Variants in INO80E observed in about 807,000 individuals in gnomAD.
INO80E encodes coiled-coil domain containing 95.
INO80E carries 20 observed loss-of-function variants against 27.3 expected under a neutral mutation model. That is an observed-to-expected ratio of 0.73 (90% CI 0.51 to 1.06). INO80E has a LOEUF of 1.06. Ranked by LOEUF, INO80E falls within the 50% of genes least tolerant of loss-of-function variation. The pLI is 0.00. For missense variants in INO80E, 357 were observed against 322.8 expected, an observed-to-expected ratio of 1.11 and a Z score of -0.81; for synonymous variants, 167 against 145.9, an observed-to-expected ratio of 1.14 and a Z score of -1.04.
At chr16:30,002,579 G>A (rs1029016064) in intron 6 of INO80E, 1 of 152,518 alleles carries the variant, frequency 6.6e-6, no homozygotes, top group African/African-American at 2.4e-5. Context: ...AGTTCCTGGA[G>A]GACCTGGTGT....
At chr16:29,998,872 C>T (rs112727636) in intron 3 of INO80E, among the ~76,000 whole-genome samples, 2 of 152,098 alleles carry the variant, frequency 1.3e-5, no homozygotes, top group Middle Eastern at 3.2e-3. Context: ...GGTGAAACCC[C>T]GTCTCTACTA....
rs544326818 is a variant in INO80E at position 30,003,519 on chromosome 16, A to G, written c.514-1702A>G. On this transcript the variant is annotated intron_variant, in intron 6 of 6. Transcript: ENST00000563197. This position sits in a 1 kb window ranked among gnomAD's most constrained non-coding sequence, Gnocchi z 4.4. ...GCAGAGGAAGGATAGCTGTGAAGAC[A>G]GAAGCAGGTTGGTTCTGTCAGGCCT... The G allele has an allele frequency of 5.9e-5, 9 of 152,336 alleles. No individual in the cohort carries two copies. The highest frequency in any genetic ancestry group is 2.2e-4 in the African/African-American group (9 of 41,538). The allele number at this position is 152,336 out of a possible 1,614,324, so 9.4% of individuals were successfully genotyped here. A position where few individuals can be genotyped will look rare whatever the true frequency, so the allele number is the denominator to read the frequency against.
chr16:30,005,503 A>G lies in INO80E; in HGVS notation c.*61A>G, dbSNP rs1386815593. 1.2e-5 allele frequency: 17 copies of G among 1,455,256 alleles called. No homozygotes were observed. Among genetic ancestry groups the G allele is most frequent in the Non-Finnish European group, 1.6e-5 (17 of 1,063,318 alleles). The allele number at this position is 1,455,256 out of a possible 1,614,324, so 90.1% of individuals were successfully genotyped here. ...CGGCGCCCTCCCCGTGCCAGCACAC[A>G]CGAGTCCAGCTTCCTCGGAGGTGTT... On this transcript the variant is annotated 3_prime_UTR_variant, in exon 7 of 7. Coordinates refer to ENST00000563197, the MANE Select transcript of INO80E (RefSeq NM_173618.3).
At position 30,005,461 on chromosome 16, in the gene INO80E, CCCA is replaced by C; in HGVS notation, c.*24_*26del. On this transcript the variant is annotated 3_prime_UTR_variant, in exon 7 of 7. Coordinates refer to ENST00000563197, the MANE Select transcript of INO80E (RefSeq NM_173618.3). The stretch of plus-strand genomic sequence containing the variant: ...GGAGTGACCGTGACATCACGCCATG[CCCA>C]CCACGGCCCCGCCCGGCGCCCTCCC... 3 of 1,575,144 alleles carry C rather than the reference CCCA, an allele frequency of 1.9e-6. No homozygotes were observed. In the South Asian group the frequency reaches 3.5e-5, roughly 18 times the overall value.
In INO80E at chr16:29,996,274, G is replaced by C; in HGVS notation, c.-37G>C. ...CACGGCAGCCACTGCTTGGGGTAGC[G>C]GGAGGGCAGACTCTGGGCGCCACTC... On this transcript the variant is annotated 5_prime_UTR_variant, in exon 1 of 7. Transcript: ENST00000563197. 7.7e-6 allele frequency: 12 copies of C among 1,555,158 alleles called. No individual in the cohort carries two copies. Among genetic ancestry groups the C allele is most frequent in the Non-Finnish European group, 1.0e-5 (12 of 1,148,040 alleles).
At position 30,005,656 on chromosome 16, in the gene INO80E, A is replaced by G. The variant is rs12851; in HGVS notation, c.*214A>G. On this transcript the variant is annotated 3_prime_UTR_variant, in exon 7 of 7. Transcript: ENST00000563197. ...CCCCGGCCCCCTCCAGGGGACAGTT[A>G]TTTAAACGAGTGGCCGGGAGCATCT... 41,144 of 574,842 alleles carry G rather than the reference A, an allele frequency of 0.072. 1,890 individuals carry two copies. The highest frequency in any genetic ancestry group is 0.15 in the African/African-American group (8,011 of 51,750). The allele number at this position is 574,842 out of a possible 1,614,324, so 35.6% of individuals were successfully genotyped here. A position where few individuals can be genotyped will look rare whatever the true frequency, so the allele number is the denominator to read the frequency against.
At position 29,996,838 on chromosome 16, in the gene INO80E, G is replaced by C; in HGVS notation, c.183G>C (p.Glu61Asp). The change falls in exon 3 of 7, where the codon GAG (glutamate) becomes GAC (aspartate). Residue 61 changes from glutamate (E) to aspartate (D), a missense_variant. Physicochemically the swap from Glu to Asp is conservative, Grantham distance 45. Transcript: ENST00000563197. The stretch of plus-strand genomic sequence containing the variant: ...TCCTAGACCGACTTCTGCAGTACGA[G>C]AACGTGGATGAAGACTCTTCGGGTG... ...SFLLDRLLQY[E>D]NVDEDSSDSD... The C allele has an allele frequency of 6.2e-7, 1 of 1,614,174 alleles. No individual in the cohort carries two copies. Among genetic ancestry groups the C allele is most frequent in the Non-Finnish European group, 8.5e-7 (1 of 1,180,012 alleles).
In INO80E at chr16:30,000,317, G is replaced by A. The variant is rs144263227; in HGVS notation, c.206-441G>A. On this transcript the variant is annotated intron_variant, in intron 3 of 6. Coordinates refer to ENST00000563197, the MANE Select transcript of INO80E (RefSeq NM_173618.3). ...GACAGCTCGAGTGTGTGGTGCATGC[G>A]TGTGCCCACCAGCTGGTGAGTCAGA... is the stretch of plus-strand genomic sequence containing the variant. Among the ~76,000 whole-genome samples the A allele has an allele frequency of 5.7e-3, 874 of 152,220 alleles. 4 individuals are homozygous for A. The highest frequency in any genetic ancestry group is 0.014 in the Middle Eastern group (4 of 294).
intron 1 of INO80E, 24 bp from the exon 2 acceptor site, chr16:29,996,523 G>A (rs1229906920): frequency 1.3e-6 from 2 of 1,556,684 alleles, no homozygotes; most frequent in East Asian, 4.8e-5. Flanking sequence ...CGTTGGCCCA[G>A]CGCACCCCTT....
rs1052889691 is a variant in INO80E, at chr16:29,999,377, G to A, written c.206-1381G>A. ...TTGCATCTGAGGAGGAAGAGCCAGC[G>A]ATGCGAGCCCCACTCCCGTCCTGGA... On this transcript the variant is annotated intron_variant, in intron 3 of 6. Coordinates refer to ENST00000563197, the MANE Select transcript of INO80E (RefSeq NM_173618.3). 3 of 152,250 alleles carry A rather than the reference G, an allele frequency of 2.0e-5. No homozygotes were observed. The East Asian group carries it at 5.8e-4, about 29-fold the overall frequency. The allele number at this position is 152,250 out of a possible 1,614,324, so 9.4% of individuals were successfully genotyped here. A position where few individuals can be genotyped will look rare whatever the true frequency, so the allele number is the denominator to read the frequency against.
At chr16:30,000,491 G>T (rs2070306744) in intron 3 of INO80E, among the ~76,000 whole-genome samples, 3 of 152,144 alleles carry the variant, frequency 2.0e-5, no homozygotes, top group Admixed American at 2.0e-4. Flanking sequence ...AGCCTCCTGA[G>T]TAGCTGGGAC....
At position 30,003,823 on chromosome 16, in the gene INO80E, TG is replaced by T. The variant is rs528236204; in HGVS notation, c.514-1396del. 1,008 of 152,014 alleles carry T rather than the reference TG, an allele frequency of 6.6e-3. 6 individuals carry two copies. Among genetic ancestry groups the T allele is most frequent in the Non-Finnish European group, 0.01 (694 of 68,028 alleles). 9.4% of individuals were successfully genotyped at this position (152,014 alleles called of 1,614,324 possible). A position where few individuals can be genotyped will look rare whatever the true frequency, so the allele number is the denominator to read the frequency against. On this transcript the variant is annotated intron_variant, in intron 6 of 6. Coordinates refer to ENST00000563197, the MANE Select transcript of INO80E (RefSeq NM_173618.3). This position sits in a 1 kb window ranked among gnomAD's most constrained non-coding sequence, Gnocchi z 4.4. ...GCGCACAGTGGGGAAGGAGAGGAGG[TG>T]GCCAGAGGAGGGGATGGTCCTTTCC...
intron 3 of INO80E, among the ~76,000 whole-genome samples, chr16:29,997,217 G>GCCC (rs1160181146): frequency 1.3e-5 from 2 of 152,114 alleles, no homozygotes; most frequent in Non-Finnish European, 2.9e-5. Context: ...AATGATTATA[G>GCCC]TAGAACAGGG....
At chr16:29,997,850 G>A (rs918465801) in intron 3 of INO80E, among the ~76,000 whole-genome samples, 1 of 151,840 alleles carries the variant, frequency 6.6e-6, no homozygotes, top group Non-Finnish European at 1.5e-5. Context: ...CTTTCACAGA[G>A]TGACATTTGA....
intron 3 of INO80E, among the ~76,000 whole-genome samples, chr16:29,997,838 G>A (rs1356836356): frequency 6.6e-6 from 1 of 151,708 alleles, no homozygotes. Context: ...CTCAAGAAAG[G>A]CCTTTCACAG....
At chr16:30,000,471 C>G (rs1402280451) in intron 3 of INO80E, among the ~76,000 whole-genome samples, 1 of 152,204 alleles carries the variant, frequency 6.6e-6, no homozygotes, top group Non-Finnish European at 1.5e-5. Context: ...CCGAGTAGTT[C>G]TCCTGCCTCA....
intron 3 of INO80E, among the ~76,000 whole-genome samples, chr16:29,998,290 C>CAAAAAAAA (rs796207569): frequency 1.3e-5 from 1 of 77,552 alleles, no homozygotes. Context: ...GACTCCATCT[C>CAAAAAAAA]AAAAAAAAAA....
At chr16:30,001,304 A>G (rs1567269512) in intron 5 of INO80E, 110 bp from the exon 6 acceptor site, 1 of 1,499,484 alleles carries the variant, frequency 6.7e-7, no homozygotes, top group South Asian at 1.3e-5. Context: ...CGGGAGCCGC[A>G]CTCATCACCA....
At chr16:29,998,953 A>G (rs4788207) in intron 3 of INO80E, among the ~76,000 whole-genome samples, 75,664 of 151,546 alleles carry the variant, frequency 0.5, 19,089 homozygotes, top group Middle Eastern at 0.52. Context: ...GCTGAGGCAG[A>G]AGAATGGTGT....
Sources: allele counts gnomAD v4.1 joint callset (sites outside exome capture counted in the v4.1 genomes callset), GRCh38; gene constraint gnomAD v4.1.1; non-coding constraint Gnocchi (gnomAD v3.1); transcripts MANE v1.5; gene names NCBI Gene and HGNC (gene_info 2026-07-23, HGNC 2026-07-21).